BBX: variants seen among roughly 807,000 people sequenced by gnomAD.
BBX encodes the protein BBX high mobility group box domain containing, also known as HMG box transcription factor BBX.
In BBX, 30 loss-of-function variants were observed where a neutral mutation model predicts 100.2. That is an observed-to-expected ratio of 0.30 (90% confidence interval 0.22 to 0.41). BBX has a LOEUF of 0.41. BBX is among the 10% of genes least tolerant of loss of function. The pLI is 1.00. For missense variants in BBX, 1,023 were observed against 1,129.8 expected (o/e 0.91, Z 1.35); for synonymous variants, 376 against 388.1 (o/e 0.97, Z 0.37).
intron 10 of BBX, among the ~76,000 whole-genome samples, chr3:107,761,743 A>C (rs2065916268): frequency 6.6e-6 from 1 of 152,124 alleles, no homozygotes; most frequent in Non-Finnish European, 1.5e-5. Flanking sequence ...TGGAAAAAGG[A>C]GAAGATTGCT....
chr3:107,682,439 G>A (rs1240328128), intron 3 of BBX, among the ~76,000 whole-genome samples: 1 of 152,122 alleles, frequency 6.6e-6, no homozygotes, highest in Non-Finnish European at 1.5e-5. Flanking sequence ...TAATGTCACA[G>A]TAGCTGTGTA....
intron 10 of BBX, among the ~76,000 whole-genome samples, chr3:107,772,423 C>T (rs751879703): frequency 7.2e-5 from 11 of 152,278 alleles, no homozygotes; most frequent in South Asian, 2.1e-4. Flanking sequence ...ATACGTTTGA[C>T]GAGTTAAATG....
At chr3:107,702,242 G>A (rs981427055) in intron 3 of BBX, among the ~76,000 whole-genome samples, 15 of 152,184 alleles carry the variant, frequency 9.9e-5, no homozygotes, top group South Asian at 2.1e-4. Context: ...ATAATAGTAC[G>A]CTGTTTTGAG....
Position 107,710,639 on chromosome 3 carries a change from C to T in BBX, c.162+17C>T. On this transcript the variant is annotated intron_variant, in intron 4 of 17. Coordinates refer to ENST00000325805, the MANE Select transcript of BBX (RefSeq NM_001142568.3). ...ATTGATAAGGTAAGTCCTATATTTA[C>T]CATAGAAGTTTCAAGTTTATTAGAG... 3 of 1,565,704 alleles carry T rather than the reference C, an allele frequency of 1.9e-6. No homozygotes were observed. The highest frequency in any genetic ancestry group is 1.2e-5 in the South Asian group (1 of 83,104).
At chr3:107,584,629 G>C (rs1348323664) in intron 2 of BBX, among the ~76,000 whole-genome samples, 1 of 143,746 alleles carries the variant, frequency 7.0e-6, no homozygotes, top group Non-Finnish European at 1.5e-5. Context: ...AAACTTTATG[G>C]GGTGGGGAAG....
At chr3:107,675,196 G>GTA (rs1255239584) in intron 3 of BBX, among the ~76,000 whole-genome samples, 1 of 152,138 alleles carries the variant, frequency 6.6e-6, no homozygotes, top group African/African-American at 2.4e-5. Flanking sequence ...CTGAAAGAAT[G>GTA]TATAGTGTAT....
intron 9 of BBX, among the ~76,000 whole-genome samples, chr3:107,751,082 G>GC: frequency 7.9e-6 from 1 of 125,944 alleles, no homozygotes; most frequent in East Asian, 1.3e-3. Context: ...ATAGTTATGT[G>GC]TTTTTTAAAA....
At chr3:107,688,425 G>A (rs915396453) in intron 3 of BBX, among the ~76,000 whole-genome samples, 4 of 152,210 alleles carry the variant, frequency 2.6e-5, no homozygotes, top group African/African-American at 9.7e-5. Context: ...AAGCTCTTGG[G>A]GAACCCAGGG....
intron 2 of BBX, among the ~76,000 whole-genome samples, chr3:107,642,345 A>G (rs975400236): frequency 6.6e-6 from 1 of 152,130 alleles, no homozygotes; most frequent in African/African-American, 2.4e-5. Context: ...TAATGAGTCA[A>G]GAAGAAGATA....
At chr3:107,694,700 C>T (rs1337663852) in intron 3 of BBX, among the ~76,000 whole-genome samples, 2 of 151,138 alleles carry the variant, frequency 1.3e-5, no homozygotes, top group African/African-American at 2.5e-5. Flanking sequence ...CAGGATGATG[C>T]TGGCCTCATA....
At chr3:107,566,175 CAAAAAAAAAAAAA>C (rs754905445) in intron 2 of BBX, among the ~76,000 whole-genome samples, 3 of 53,060 alleles carry the variant, frequency 5.7e-5, no homozygotes, top group Admixed American at 5.2e-4. Flanking sequence ...AACTCTGTCT[CAAAAAAAAAAAAA>C]AAAAAAAAAA....
At chr3:107,577,324 T>C (rs1357837223) in intron 2 of BBX, among the ~76,000 whole-genome samples, 1 of 152,156 alleles carries the variant, frequency 6.6e-6, no homozygotes, top group Admixed American at 6.5e-5. Flanking sequence ...TGGATCACAA[T>C]ATGATTCACC....
At chr3:107,670,739 G>A (rs1370158915) in intron 3 of BBX, among the ~76,000 whole-genome samples, 34 of 151,960 alleles carry the variant, frequency 2.2e-4, no homozygotes, top group Admixed American at 2.2e-3. Flanking sequence ...ATAGTAGAGG[G>A]AAGCTTATTT....
At chr3:107,727,562 T>C (rs1576528483) in intron 5 of BBX, among the ~76,000 whole-genome samples, 2 of 152,286 alleles carry the variant, frequency 1.3e-5, no homozygotes, top group Admixed American at 1.3e-4. Flanking sequence ...GGCATATATA[T>C]CTTACAGGTA....
intron 2 of BBX, among the ~76,000 whole-genome samples, chr3:107,571,506 TGAGAGAGGGAGATTGAAGGGTAGC>T (rs1481655278): frequency 1.3e-5 from 2 of 151,840 alleles, no homozygotes; most frequent in African/African-American, 4.8e-5. Flanking sequence ...TGAAGGGTAG[TGAGAGAGGGAGATTGAAGGGTAGC>T]GAGAGAGGCT....
intron 7 of BBX, among the ~76,000 whole-genome samples, chr3:107,739,993 T>G (rs965298628): frequency 2.6e-5 from 4 of 152,008 alleles, no homozygotes; most frequent in Non-Finnish European, 5.9e-5. Context: ...TGGGGTAAAA[T>G]CCATACTCCA....
chr3:107,584,085 A>AT (rs2052557639), intron 2 of BBX, among the ~76,000 whole-genome samples: 1 of 23,536 alleles, frequency 4.2e-5, no homozygotes, highest in Admixed American at 7.3e-4. Flanking sequence ...TATATTATAT[A>AT]TATCATATAT....
intron 3 of BBX, among the ~76,000 whole-genome samples, chr3:107,664,376 T>C (rs1215417484): frequency 1.3e-5 from 2 of 152,324 alleles, no homozygotes; most frequent in East Asian, 3.9e-4. Flanking sequence ...TTCTTTAAAA[T>C]TACTAGATTT....
At chr3:107,712,771 C>A (rs78789002) in intron 4 of BBX, among the ~76,000 whole-genome samples, 6,791 of 152,266 alleles carry the variant, frequency 0.045, 472 homozygotes, top group African/African-American at 0.15. Flanking sequence ...GCTCCTGTTT[C>A]TGTGAGGGCA....
Sources: gnomAD v4.1 joint callset for allele counts (sites outside exome capture counted in the v4.1 genomes callset) on GRCh38, gnomAD v4.1.1 for gene constraint, MANE v1.5 for transcripts, NCBI Gene and HGNC (gene_info 2026-07-23, HGNC 2026-07-21) for gene names.